TEX36: variants seen among roughly 807,000 people sequenced by gnomAD.
The protein encoded by TEX36 is testis-expressed protein 36.
A neutral mutation model predicts 13.6 loss-of-function variants in TEX36; 12 were observed. The observed-to-expected ratio is 0.88, with a 90% CI of 0.56 to 1.43. The LOEUF (loss-of-function observed/expected upper bound fraction) is 1.43. Ranked by LOEUF, TEX36 falls within the 40% of genes most tolerant of loss-of-function variation. The probability of loss-of-function intolerance (pLI) is 0.00; values close to 1 mark genes in which losing one functional copy is unlikely to be tolerated. For synonymous variants in TEX36, 93 were observed against 83.0 expected (o/e 1.12, Z -0.65); for missense variants, 224 against 228.3 (o/e 0.98, Z 0.12).
At chr10:125,652,559 T>C (rs887195324), downstream of TEX36, among the ~76,000 whole-genome samples, 1 of 152,170 alleles carries the variant, frequency 6.6e-6, no homozygotes. Context: ...GCAATACCCT[T>C]CAGGCCATAG....
At chr10:125,652,021 T>C (rs1227743414), downstream of TEX36, among the ~76,000 whole-genome samples, 2 of 152,238 alleles carry the variant, frequency 1.3e-5, no homozygotes, top group Non-Finnish European at 2.9e-5. Flanking sequence ...GAACATTCCA[T>C]GCTCATGGAT....
At position 125,628,099 on chromosome 10, in the gene TEX36, G is replaced by C. The variant is rs141467532; in HGVS notation, c.265-6454C>G. Among the ~76,000 whole-genome samples the C allele has an allele frequency of 8.5e-5, 13 of 152,324 alleles. No homozygotes were observed. In the East Asian group the frequency reaches 2.1e-3, roughly 25 times the overall value. On this transcript the variant is annotated intron_variant, in intron 3 of 3. Transcript: ENST00000526819. ...ATTAATAAAATGTATTTGAGACCAT[G>C]TAATGATAAGAAGCATTTGGCACCT...
At chr10:125,586,635 C>CAAAAAA (rs35078105) in intron 3 of TEX36, among the ~76,000 whole-genome samples, 5 of 113,870 alleles carry the variant, frequency 4.4e-5, no homozygotes, top group Non-Finnish European at 8.5e-5. Flanking sequence ...ACTAAAAATC[C>CAAAAAA]AAAAAAAAAA....
chr10:125,636,508 C>A (rs903560966), intron 3 of TEX36, among the ~76,000 whole-genome samples: 1 of 152,150 alleles, frequency 6.6e-6, no homozygotes, highest in African/African-American at 2.4e-5. Flanking sequence ...GCCACCACGC[C>A]CAGCCTTGCT....
downstream of TEX36, among the ~76,000 whole-genome samples, chr10:125,619,582 G>C (rs139954002): frequency 2.6e-5 from 4 of 152,198 alleles, no homozygotes; most frequent in East Asian, 3.9e-4. Flanking sequence ...ACGGAGTCTC[G>C]CTCTGTAGCC....
At chr10:125,670,471 G>A (rs1847206172) in intron 1 of TEX36, among the ~76,000 whole-genome samples, 1 of 151,938 alleles carries the variant, frequency 6.6e-6, no homozygotes, top group Non-Finnish European at 1.5e-5. Flanking sequence ...TAAGTTCCTT[G>A]CAGATTCTGG....
intron 3 of TEX36, among the ~76,000 whole-genome samples, chr10:125,626,713 C>A (rs573607476): frequency 6.6e-6 from 1 of 152,104 alleles, no homozygotes; most frequent in Non-Finnish European, 1.5e-5. Context: ...GAGGTGGGAA[C>A]TCGGAACCAG....
chr10:125,603,341 T>G (rs1589750325), intron 3 of TEX36, among the ~76,000 whole-genome samples: 1 of 151,878 alleles, frequency 6.6e-6, no homozygotes, highest in East Asian at 1.9e-4. Flanking sequence ...GGTCCAGGGG[T>G]GGGGTGGGCA....
exon 4 of TEX36, chr10:125,576,701 T>C (rs1364828264): frequency 5.2e-6 from 8 of 1,532,800 alleles, no homozygotes; most frequent in Non-Finnish European, 7.0e-6. Context: ...CACATTCTAT[T>C]AGTCAGGACT....
chr10:125,622,636 T>C (rs552151478), intron 3 of TEX36, among the ~76,000 whole-genome samples: 12 of 152,338 alleles, frequency 7.9e-5, no homozygotes, highest in Admixed American at 3.9e-4. Flanking sequence ...TCAGACGAGA[T>C]GGGATGGATT....
At chr10:125,662,122 A>G in intron 1 of TEX36, 145 bp from the exon 2 acceptor site, 1 of 1,172,610 alleles carries the variant, frequency 8.5e-7, no homozygotes, top group Non-Finnish European at 1.2e-6. Context: ...TGTAATTTTC[A>G]AGTATTCTTT....
At chr10:125,651,073 G>A (rs978260212), downstream of TEX36, among the ~76,000 whole-genome samples, 2 of 152,208 alleles carry the variant, frequency 1.3e-5, no homozygotes, top group Admixed American at 6.5e-5. Context: ...GAGGTACAAA[G>A]AGTAGCTGGT....
At chr10:125,645,673 T>C (rs1226736275) in intron 3 of TEX36, among the ~76,000 whole-genome samples, 5 of 152,214 alleles carry the variant, frequency 3.3e-5, no homozygotes, top group African/African-American at 1.2e-4. Context: ...TGCACAGCAA[T>C]AGAAAATAAA....
intron 1 of TEX36, among the ~76,000 whole-genome samples, chr10:125,678,248 A>G (rs1345914536): frequency 1.3e-5 from 2 of 152,178 alleles, no homozygotes; most frequent in Admixed American, 6.6e-5. Context: ...TTCTGCATGC[A>G]TGTAGTCATG....
intron 3 of TEX36, among the ~76,000 whole-genome samples, chr10:125,658,559 G>A (rs919083822): frequency 6.6e-6 from 1 of 151,272 alleles, no homozygotes; most frequent in South Asian, 2.1e-4. Flanking sequence ...GTAACCAACA[G>A]GGGGGAATAT....
At chr10:125,589,171 C>A (rs912938460) in intron 3 of TEX36, among the ~76,000 whole-genome samples, 1 of 152,180 alleles carries the variant, frequency 6.6e-6, no homozygotes, top group African/African-American at 2.4e-5. Context: ...ATGTTCTTTG[C>A]CTATTTTCAT....
chr10:125,679,744 A>G (rs1192667102), intron 1 of TEX36, among the ~76,000 whole-genome samples: 1 of 152,184 alleles, frequency 6.6e-6, no homozygotes, highest in Non-Finnish European at 1.5e-5. Context: ...TCTCTTGGAT[A>G]ACATATTTGA....
At chr10:125,610,560 G>A (rs1273455259) in intron 3 of TEX36, among the ~76,000 whole-genome samples, 1 of 152,000 alleles carries the variant, frequency 6.6e-6, no homozygotes, top group Non-Finnish European at 1.5e-5. Context: ...GGTTTCAAAT[G>A]TTCTGAAATA....
intron 3 of TEX36, among the ~76,000 whole-genome samples, chr10:125,640,456 G>A (rs971529033): frequency 6.6e-6 from 1 of 152,176 alleles, no homozygotes; most frequent in Non-Finnish European, 1.5e-5. Flanking sequence ...TATTCAGTGA[G>A]TCAGGCTCTG....
Sources: allele counts gnomAD v4.1 joint callset (sites outside exome capture counted in the v4.1 genomes callset), GRCh38; gene constraint gnomAD v4.1.1; transcripts MANE v1.5; gene names NCBI Gene and HGNC (gene_info 2026-07-23, HGNC 2026-07-21).